SRGAP3: variants seen among roughly 807,000 people sequenced by gnomAD.
SRGAP3 encodes the protein SLIT-ROBO Rho GTPase activating protein 3.
A neutral mutation model predicts 121.1 loss-of-function variants in SRGAP3; 39 were observed. The ratio of observed to expected loss-of-function variants is 0.32; its 90% CI spans 0.25 to 0.42. The LOEUF (loss-of-function observed/expected upper bound fraction) is 0.42. Among genes scored for constraint, SRGAP3 ranks in the 10% least tolerant of loss-of-function variants. The pLI, the probability that SRGAP3 is intolerant of heterozygous loss-of-function variation, is 1.00. For missense variants in SRGAP3, 1,213 were observed against 1,470.6 expected (o/e 0.82, Z 2.86); for synonymous variants, 601 against 570.0 (o/e 1.05, Z -0.77).
chr3:9,104,357 T>C (rs1217008051), intron 3 of SRGAP3, among the ~76,000 whole-genome samples: 1 of 152,204 alleles, frequency 6.6e-6, no homozygotes, highest in Non-Finnish European at 1.5e-5. Flanking sequence ...TTTCAGGTGA[T>C]TTTAATTTTT....
At chr3:9,202,345 G>A (rs1241294302) in intron 1 of SRGAP3, among the ~76,000 whole-genome samples, 2 of 152,154 alleles carry the variant, frequency 1.3e-5, no homozygotes, top group African/African-American at 4.8e-5. Context: ...CCCCATAGCT[G>A]GACCAGCTGA....
chr3:9,143,185 A>C (rs1467474060), intron 1 of SRGAP3, among the ~76,000 whole-genome samples: 1 of 152,174 alleles, frequency 6.6e-6, no homozygotes, highest in Non-Finnish European at 1.5e-5. Context: ...TTTGCCAAAA[A>C]TCAGGTTATA....
rs1475441432 is a variant in SRGAP3 at position 9,058,363 on chromosome 3, T to C, written c.911A>G (p.Asn304Ser). The C allele has an allele frequency of 1.9e-6, 3 of 1,614,252 alleles. No individual in the cohort carries two copies. In the South Asian group the frequency reaches 3.3e-5, roughly 18 times the overall value. The change falls in exon 7 of 22, where the codon AAT (asparagine) becomes AGT (serine). Residue 304 changes from asparagine (N) to serine (S), a missense_variant. Physicochemically the swap from Asn to Ser is conservative, Grantham distance 46 (BLOSUM62 1). Around this residue, in one of 2 missense-constraint regions of SRGAP3, gnomAD observed 793 missense variants for 1,032.9 expected, o/e 0.77. Transcript: ENST00000383836. ...SRHEGLDVIE[N>S]AVDNLDSRSD... ...TCGGGAATCCAGGTTGTCCACTGCA[T>C]TCTCAATGACATCCAGCCCTTCGTG...
chr3:9,286,984 C>CT lies in SRGAP3; in HGVS notation n.442+39025dup, dbSNP rs1433896598. Among the ~76,000 whole-genome samples the CT allele has an allele frequency of 1.1e-3, 111 of 103,188 alleles. 2 individuals are homozygous for CT. Among genetic ancestry groups the CT allele is most frequent in the Non-Finnish European group, 1.8e-3 (90 of 49,912 alleles). 67.7% of individuals were successfully genotyped at this position (103,188 alleles called of 152,430 possible). A position where few individuals can be genotyped will look rare whatever the true frequency, so the allele number is the denominator to read the frequency against. ...CGTTTGCCTTGTCCACACACTGACACTCTTTTTTTTTTTTTTTTTTTTTTT... is the reference window on the plus strand; with the variant it reads ...CGTTTGCCTTGTCCACACACTGACACTTCTTTTTTTTTTTTTTTTTTTTTTT... On this transcript the variant is annotated intron_variant and non_coding_transcript_variant, in intron 3 of 3. Transcript: ENST00000490889.
At chr3:9,146,251 A>T (rs1440663583) in intron 1 of SRGAP3, among the ~76,000 whole-genome samples, 2 of 152,204 alleles carry the variant, frequency 1.3e-5, no homozygotes, top group Non-Finnish European at 2.9e-5. Flanking sequence ...CCATGCGTGG[A>T]GTGCCACAGG....
At chr3:9,161,903 G>T (rs767973826) in intron 1 of SRGAP3, among the ~76,000 whole-genome samples, 2 of 151,886 alleles carry the variant, frequency 1.3e-5, no homozygotes, top group Non-Finnish European at 1.5e-5. Flanking sequence ...ACAGCCAAAA[G>T]GTAGAAGCAA....
At chr3:9,323,806 C>T (rs1448396166) in intron 3 of SRGAP3, among the ~76,000 whole-genome samples, 2 of 133,926 alleles carry the variant, frequency 1.5e-5, no homozygotes, top group African/African-American at 3.0e-5. Context: ...CTAACACACA[C>T]ACACACACAC....
intron 3 of SRGAP3, among the ~76,000 whole-genome samples, chr3:9,263,752 C>T (rs6762750): frequency 0.036 from 5,549 of 152,188 alleles, 137 homozygotes; most frequent in South Asian, 0.081. Context: ...AAAAAAAGCC[C>T]AGGACCAGAG....
chr3:9,083,018 G>A (rs528990325), intron 3 of SRGAP3, among the ~76,000 whole-genome samples: 1 of 152,222 alleles, frequency 6.6e-6, no homozygotes, highest in Admixed American at 6.5e-5. Flanking sequence ...GAGCTCACTG[G>A]GGACCTTCAA....
intron 1 of SRGAP3, among the ~76,000 whole-genome samples, chr3:9,342,450 T>A (rs1212062551): frequency 6.6e-6 from 1 of 152,214 alleles, no homozygotes; most frequent in African/African-American, 2.4e-5. Context: ...TCTACATACA[T>A]GGCTGCAAAT....
upstream of SRGAP3, among the ~76,000 whole-genome samples, chr3:9,252,430 C>A (rs1954038792): frequency 6.6e-6 from 1 of 152,010 alleles, no homozygotes; most frequent in Non-Finnish European, 1.5e-5. Context: ...AAACTTTTTT[C>A]TTTAATTACC....
At chr3:9,144,981 AT>A (rs1276658358) in intron 1 of SRGAP3, among the ~76,000 whole-genome samples, 1 of 152,230 alleles carries the variant, frequency 6.6e-6, no homozygotes, top group Non-Finnish European at 1.5e-5. Flanking sequence ...CTGAAAATTC[AT>A]TGTTATTCAT....
chr3:8,985,347 T>C lies in SRGAP3; in HGVS notation c.*172A>G, dbSNP rs566209855. 59 of 1,373,106 alleles carry C rather than the reference T, an allele frequency of 4.3e-5. No individual in the cohort carries two copies. The East Asian group carries it at 6.4e-4, about 15-fold the overall frequency. 85.1% of individuals were successfully genotyped at this position (1,373,106 alleles called of 1,614,324 possible). A position where few individuals can be genotyped will look rare whatever the true frequency, so the allele number is the denominator to read the frequency against. On this transcript the variant is annotated 3_prime_UTR_variant, in exon 22 of 22. Transcript: ENST00000383836. This position sits in a 1 kb window ranked among gnomAD's most constrained non-coding sequence, Gnocchi z 5.1. Reference sequence around the variant, plus strand: ...GAGAGGTCCGTGGGATTCCCATGGCTGGACGTGAGCTGCAGCCAGCGCCCG... The same window carrying C: ...GAGAGGTCCGTGGGATTCCCATGGCCGGACGTGAGCTGCAGCCAGCGCCCG...
chr3:9,204,920 T>A (rs1484477691), intron 1 of SRGAP3, among the ~76,000 whole-genome samples: 1 of 152,266 alleles, frequency 6.6e-6, no homozygotes, highest in Non-Finnish European at 1.5e-5. Context: ...GGCTGGACGT[T>A]ACTGGCAGCA....
At chr3:9,310,445 T>C (rs1955222997) in intron 3 of SRGAP3, among the ~76,000 whole-genome samples, 1 of 152,122 alleles carries the variant, frequency 6.6e-6, no homozygotes, top group South Asian at 2.1e-4. Context: ...CATCAGTGTA[T>C]CCCATCTTTG....
At chr3:9,186,442 G>A (rs1951597453) in intron 1 of SRGAP3, among the ~76,000 whole-genome samples, 1 of 152,110 alleles carries the variant, frequency 6.6e-6, no homozygotes, top group Non-Finnish European at 1.5e-5. Flanking sequence ...AACAGCACCT[G>A]GGACGCTCAA....
At chr3:9,245,507 C>A (rs1286185474) in intron 1 of SRGAP3, among the ~76,000 whole-genome samples, 1 of 152,266 alleles carries the variant, frequency 6.6e-6, no homozygotes, top group East Asian at 1.9e-4. Context: ...TATTCCCAGG[C>A]TCCACACACC....
intron 3 of SRGAP3, among the ~76,000 whole-genome samples, chr3:9,271,981 C>A (rs1954485951): frequency 6.6e-6 from 1 of 152,184 alleles, no homozygotes; most frequent in Non-Finnish European, 1.5e-5. Context: ...CAAAAGACCA[C>A]AACGATCAAA....
At chr3:9,219,427 T>C (rs1952732733) in intron 1 of SRGAP3, 1 of 152,154 alleles carries the variant, frequency 6.6e-6, no homozygotes, top group Non-Finnish European at 1.5e-5. Context: ...CCATAACATG[T>C]GGCAGGAACA....
Sources: allele counts gnomAD v4.1 joint callset (sites outside exome capture counted in the v4.1 genomes callset), GRCh38; gene constraint gnomAD v4.1.1; regional missense constraint gnomAD v4.1.1; non-coding constraint Gnocchi (gnomAD v3.1); transcripts MANE v1.5; gene names NCBI Gene and HGNC (gene_info 2026-07-23, HGNC 2026-07-21).